The following AGTPBP1 variants were observed in gnomAD, a reference collection of about 807,000 sequenced individuals.
AGTPBP1 encodes cytosolic carboxypeptidase 1.
In AGTPBP1, 70 loss-of-function variants were observed where a neutral mutation model predicts 143.9. The observed-to-expected ratio is 0.49, with a 90% CI of 0.40 to 0.59. AGTPBP1 has a LOEUF of 0.59. Among genes scored for constraint, AGTPBP1 ranks in the 20% least tolerant of loss-of-function variants. The pLI is 0.00. For missense variants in AGTPBP1, 1,229 were observed against 1,464.5 expected, an observed-to-expected ratio of 0.84 and a Z score of 2.62; for synonymous variants, 463 against 500.2, an observed-to-expected ratio of 0.93 and a Z score of 0.99.
At chr9:85,590,203 A>C (rs1221419648) in intron 19 of AGTPBP1, among the ~76,000 whole-genome samples, 2 of 152,164 alleles carry the variant, frequency 1.3e-5, no homozygotes, top group Admixed American at 1.3e-4. Flanking sequence ...CAGCAAAAAA[A>C]TTACAAAGAA....
At position 85,741,026 on chromosome 9, in the gene AGTPBP1, G is replaced by C. The variant is rs1205663714; in HGVS notation, c.-34+749C>G. Among the ~76,000 whole-genome samples the C allele has an allele frequency of 3.3e-5, 5 of 152,172 alleles. 1 individual carries two copies. The highest frequency in any genetic ancestry group is 7.3e-5 in the Non-Finnish European group (5 of 68,038). On this transcript the variant is annotated intron_variant, in intron 1 of 25. Transcript: ENST00000357081. Reference sequence around the variant, plus strand: ...TCGTAAGAGGTTTATACCGCACAAGGGGTAAAACAACGGTAGAGTCGAGCA... The same window carrying C: ...TCGTAAGAGGTTTATACCGCACAAGCGGTAAAACAACGGTAGAGTCGAGCA...
intron 17 of AGTPBP1, among the ~76,000 whole-genome samples, chr9:85,598,493 T>C (rs1240984859): frequency 6.6e-6 from 1 of 152,208 alleles, no homozygotes; most frequent in Admixed American, 6.5e-5. Flanking sequence ...CTTCTTGATA[T>C]GTCAAATTCT....
chr9:85,730,058 A>C (rs1838778706), intron 1 of AGTPBP1, among the ~76,000 whole-genome samples: 1 of 152,222 alleles, frequency 6.6e-6, no homozygotes, highest in South Asian at 2.1e-4. Context: ...ATTCTGAAAC[A>C]GCAGTGTGGT....
At chr9:85,668,967 A>ATATGTGTGTGTGTGTGTGTG (rs1491203442) in intron 8 of AGTPBP1, among the ~76,000 whole-genome samples, 1 of 114,388 alleles carries the variant, frequency 8.7e-6, no homozygotes, top group African/African-American at 3.2e-5. Flanking sequence ...ACATACATAC[A>ATATGTGTGTGTGTGTGTGTG]TGTGTGTGTG....
At position 85,689,925 on chromosome 9, in the gene AGTPBP1, A is replaced by AAAAAAAT. The variant is rs58719163; in HGVS notation, c.157+2763_157+2764insATTTTTT. On this transcript the variant is annotated intron_variant, in intron 3 of 25. Transcript: ENST00000357081. ...AAAAAAAAAAAAAAAAAAAAAAAAA[A>AAAAAAAT]ATATATATATATATATATATATCTT... Among the ~76,000 whole-genome samples the AAAAAAAT allele has an allele frequency of 1.6e-3, 113 of 72,466 alleles. 1 individual carries two copies. The highest frequency in any genetic ancestry group is 3.5e-3 in the East Asian group (7 of 2,002). The allele number at this position is 72,466 out of a possible 152,430, so 47.5% of individuals were successfully genotyped here.
At chr9:85,761,136 A>G in the AGTPBP1 span, among the ~76,000 whole-genome samples, 67 of 152,344 alleles carry the variant, frequency 4.4e-4, no homozygotes, top group African/African-American at 1.6e-3. Context: ...ACAAAAACAA[A>G]TGGAAGAACA....
chr9:85,772,281 TACTCTTA>T, the AGTPBP1 span, among the ~76,000 whole-genome samples: 1 of 152,196 alleles, frequency 6.6e-6, no homozygotes, highest in Non-Finnish European at 1.5e-5. Flanking sequence ...GCCCTTGTGC[TACTCTTA>T]AAGCAAGGCA....
intron 14 of AGTPBP1, among the ~76,000 whole-genome samples, chr9:85,625,912 T>TTG (rs1435006133): frequency 2.7e-5 from 4 of 148,408 alleles, no homozygotes; most frequent in East Asian, 3.9e-4. Flanking sequence ...TTGTTTTTTT[T>TTG]TTTTTTTTTT....
chr9:85,611,968 C>T (rs1564063058), intron 17 of AGTPBP1, among the ~76,000 whole-genome samples: 1 of 152,202 alleles, frequency 6.6e-6, no homozygotes, highest in Non-Finnish European at 1.5e-5. Context: ...GCATAAGCCA[C>T]CATGCCCAGC....
At chr9:85,668,797 T>G (rs1834285022) in intron 8 of AGTPBP1, among the ~76,000 whole-genome samples, 1 of 151,654 alleles carries the variant, frequency 6.6e-6, no homozygotes, top group African/African-American at 2.4e-5. Flanking sequence ...CAGTTTAATA[T>G]AAACTCTATT....
intron 11 of AGTPBP1, among the ~76,000 whole-genome samples, chr9:85,651,209 T>C (rs1833142731): frequency 6.6e-6 from 1 of 152,206 alleles, no homozygotes. Context: ...ACAGCAATGA[T>C]GGACCCCTAT....
chr9:85,579,147 A>C, intron 23 of AGTPBP1, 51 bp from the exon 24 acceptor site: 1 of 1,516,628 alleles, frequency 6.6e-7, no homozygotes, highest in Non-Finnish European at 8.8e-7. Context: ...TTTTAATTTT[A>C]AATGTTTTTA....
Position 85,548,685 on chromosome 9 carries a change from T to G in AGTPBP1, c.3504-1399A>C, listed in dbSNP as rs545761665. 1.5e-3 allele frequency among the ~76,000 whole-genome samples: 220 copies of G among 149,814 alleles called. 3 individuals carry two copies. The highest frequency in any genetic ancestry group is 4.8e-3 in the African/African-American group (189 of 39,572). The stretch of plus-strand genomic sequence containing the variant: ...CTTTGGTTTTTTTTTGTTTTTGTTT[T>G]TGTTTTTTGAGACAGAGTCTTTCTC... On this transcript the variant is annotated intron_variant, in intron 25 of 25. Coordinates refer to ENST00000357081, the MANE Select transcript of AGTPBP1 (RefSeq NM_001330701.2).
intron 17 of AGTPBP1, among the ~76,000 whole-genome samples, chr9:85,617,790 T>C (rs1213049332): frequency 6.6e-6 from 1 of 152,134 alleles, no homozygotes; most frequent in Non-Finnish European, 1.5e-5. Flanking sequence ...ATACAGACCC[T>C]GCAGAAATCA....
intron 2 of AGTPBP1, among the ~76,000 whole-genome samples, chr9:85,707,212 T>C (rs1391873312): frequency 6.6e-6 from 1 of 152,020 alleles, no homozygotes; most frequent in African/African-American, 2.4e-5. Context: ...AAACACAACA[T>C]ATCAGAATTA....
intron 17 of AGTPBP1, among the ~76,000 whole-genome samples, chr9:85,604,085 A>G (rs1829843424): frequency 6.6e-6 from 1 of 152,006 alleles, no homozygotes; most frequent in Non-Finnish European, 1.5e-5. Flanking sequence ...GCAGGACACA[A>G]GCCCGGCTGG....
At position 85,632,719 on chromosome 9, in the gene AGTPBP1, C is replaced by T; in HGVS notation, c.1958G>A (p.Gly653Asp). The T allele has an allele frequency of 6.2e-7, 1 of 1,613,994 alleles. No homozygotes were observed. Among genetic ancestry groups the T allele is most frequent in the Non-Finnish European group, 8.5e-7 (1 of 1,179,940 alleles). The part of the protein sequence containing the change: ...YSEVAYPDYF[G>D]HIPPPFKEPI... ...CTCTTTGAATGGAGGCGGAATGTGA[C>T]CAAAATAATCGGGATAAGCCACCTC... is the stretch of plus-strand genomic sequence containing the variant. Residue 653 changes from glycine (G) to aspartate (D), a missense_variant, in exon 14 of 26, where the codon GGT becomes GAT. Physicochemically the swap from Gly to Asp is moderately conservative, Grantham distance 94 (BLOSUM62 -1). Around this residue, in one of 2 missense-constraint regions of AGTPBP1, gnomAD observed 743 missense variants for 812.2 expected, o/e 0.91. Coordinates refer to ENST00000357081, the MANE Select transcript of AGTPBP1 (RefSeq NM_001330701.2).
chr9:85,685,965 A>G (rs1428919527), intron 3 of AGTPBP1, among the ~76,000 whole-genome samples: 1 of 152,100 alleles, frequency 6.6e-6, no homozygotes, highest in Admixed American at 6.5e-5. Flanking sequence ...GAAAAGAGGT[A>G]TAACTAAAAA....
At chr9:85,583,903 T>C (rs1828440708) in intron 23 of AGTPBP1, among the ~76,000 whole-genome samples, 3 of 152,056 alleles carry the variant, frequency 2.0e-5, no homozygotes, top group African/African-American at 4.8e-5. Flanking sequence ...ACAATTATAA[T>C]TCTTAAGTGC....
Sources: allele counts gnomAD v4.1 joint callset (sites outside exome capture counted in the v4.1 genomes callset), GRCh38; gene constraint gnomAD v4.1.1; regional missense constraint gnomAD v4.1.1; transcripts MANE v1.5; gene names NCBI Gene and HGNC (gene_info 2026-07-23, HGNC 2026-07-21).